ADARB2: variants seen among roughly 807,000 people sequenced by gnomAD.
ADARB2 encodes adenosine deaminase RNA specific B2 (inactive).
Under a neutral mutation model 62.2 loss-of-function variants are expected in ADARB2, and 25 were observed. That is an observed-to-expected ratio of 0.40 (90% CI 0.29 to 0.56). The LOEUF (loss-of-function observed/expected upper bound fraction) is 0.56. Among genes scored for constraint, ADARB2 ranks in the 20% least tolerant of loss-of-function variants. ADARB2 has a pLI of 0.43. For synonymous variants in ADARB2, 572 were observed against 500.8 expected (o/e 1.14, Z -1.90); for missense variants, 1,071 against 1,077.4 (o/e 0.99, Z 0.08).
intron 1 of ADARB2, among the ~76,000 whole-genome samples, chr10:1,670,240 GT>G (rs1232766860): frequency 3.3e-5 from 5 of 152,214 alleles, no homozygotes; most frequent in African/African-American, 4.8e-5. Context: ...TTGTGTCATA[GT>G]AAGTTAAAGA....
At chr10:1,404,342 G>A (rs1832688696) in intron 1 of ADARB2, among the ~76,000 whole-genome samples, 1 of 152,212 alleles carries the variant, frequency 6.6e-6, no homozygotes, top group Admixed American at 6.5e-5. Flanking sequence ...GGGACCTGAT[G>A]GGGCTAAGCA....
At chr10:1,596,123 G>A (rs1400612008) in intron 1 of ADARB2, among the ~76,000 whole-genome samples, 1 of 152,186 alleles carries the variant, frequency 6.6e-6, no homozygotes. Flanking sequence ...TGGATTTTGT[G>A]GACTGCTGGG....
intron 1 of ADARB2, among the ~76,000 whole-genome samples, chr10:1,601,718 C>T (rs1169748092): frequency 6.6e-6 from 1 of 152,120 alleles, no homozygotes; most frequent in African/African-American, 2.4e-5. Context: ...GCCACCTGCT[C>T]CCCCGAAAGC....
intron 3 of ADARB2, among the ~76,000 whole-genome samples, chr10:1,358,168 CAAT>C (rs1832215089): frequency 6.6e-6 from 1 of 152,158 alleles, no homozygotes; most frequent in Non-Finnish European, 1.5e-5. Flanking sequence ...GAAGCAATCC[CAAT>C]AATTGGTCAT....
chr10:1,363,480 C>T lies in ADARB2; in HGVS notation c.625G>A (p.Gly209Ser). 2.7e-6 allele frequency: 4 copies of T among 1,494,754 alleles called. No individual in the cohort carries two copies. Among genetic ancestry groups the T allele is most frequent in the Non-Finnish European group, 3.5e-6 (4 of 1,126,888 alleles). 92.6% of individuals were successfully genotyped at this position (1,494,754 alleles called of 1,614,324 possible). A position where few individuals can be genotyped will look rare whatever the true frequency, so the allele number is the denominator to read the frequency against. Residue 209 changes from glycine to serine, a missense_variant, in exon 3 of 10, where the codon GGC becomes AGC. Gly to Ser is a moderately conservative substitution (Grantham distance 56). Coordinates refer to ENST00000381312, the MANE Select transcript of ADARB2 (RefSeq NM_018702.4). ...HLAMGGGPGP[G>S]TDFTSDQADF... Reference sequence around the variant, plus strand: ...GCCTGGTCGGAGGTGAAGTCCGTGCCGGGGCCCGGGCCCCCGCCCATGGCC... The same window carrying T: ...GCCTGGTCGGAGGTGAAGTCCGTGCTGGGGCCCGGGCCCCCGCCCATGGCC...
intron 1 of ADARB2, among the ~76,000 whole-genome samples, chr10:1,624,237 AAAAACAAAAC>A (rs570973935): frequency 8.5e-5 from 13 of 152,130 alleles, no homozygotes; most frequent in Non-Finnish European, 1.5e-5. Flanking sequence ...CTGTCTCGGA[AAAAACAAAAC>A]AAAACAAAAC....
intron 1 of ADARB2, among the ~76,000 whole-genome samples, chr10:1,481,771 G>T (rs190346688): frequency 4.0e-5 from 6 of 151,764 alleles, no homozygotes; most frequent in Admixed American, 6.6e-5. Context: ...GCAGGAGAAT[G>T]GCTTGAACCC....
chr10:1,543,407 G>A (rs921203762), intron 1 of ADARB2, among the ~76,000 whole-genome samples: 2 of 152,196 alleles, frequency 1.3e-5, no homozygotes, highest in African/African-American at 4.8e-5. Flanking sequence ...GGGACAACAA[G>A]CCTGTTATTC....
chr10:1,181,008 G>A lies in ADARB2; in HGVS notation c.*2185C>T, dbSNP rs1019211381. ...GCCACTGGGTGGCCGAGCGCTTTCCGAGTCCCGTGAATCAGACCCTGCGTC... is the reference window on the plus strand; with the variant it reads ...GCCACTGGGTGGCCGAGCGCTTTCCAAGTCCCGTGAATCAGACCCTGCGTC... On this transcript the variant is annotated 3_prime_UTR_variant, in exon 10 of 10. Coordinates refer to ENST00000381312, the MANE Select transcript of ADARB2 (RefSeq NM_018702.4). 2 of 152,220 alleles carry A rather than the reference G, an allele frequency of 1.3e-5. No homozygotes were observed. Among genetic ancestry groups the A allele is most frequent in the South Asian group, 2.1e-4 (1 of 4,820 alleles). 9.4% of individuals were successfully genotyped at this position (152,220 alleles called of 1,614,324 possible). A position where few individuals can be genotyped will look rare whatever the true frequency, so the allele number is the denominator to read the frequency against.
intron 1 of ADARB2, among the ~76,000 whole-genome samples, chr10:1,627,302 G>A (rs1348865604): frequency 6.6e-6 from 1 of 152,126 alleles, no homozygotes; most frequent in African/African-American, 2.4e-5. Flanking sequence ...ACTCCATTCG[G>A]AGAGCAGGGC....
intron 1 of ADARB2, among the ~76,000 whole-genome samples, chr10:1,550,253 A>G (rs1210488886): frequency 1.3e-5 from 2 of 152,292 alleles, no homozygotes; most frequent in East Asian, 3.9e-4. Context: ...CCTCTGATCG[A>G]ATTTTTAAGC....
chr10:1,587,907 A>T (rs534460748), intron 1 of ADARB2, among the ~76,000 whole-genome samples: 1 of 152,200 alleles, frequency 6.6e-6, no homozygotes, highest in African/African-American at 2.4e-5. Flanking sequence ...GCCGCCATGT[A>T]AGATGTGCCT....
At chr10:1,501,902 A>G (rs1487805874) in intron 1 of ADARB2, among the ~76,000 whole-genome samples, 5 of 152,230 alleles carry the variant, frequency 3.3e-5, no homozygotes, top group Non-Finnish European at 7.3e-5. Flanking sequence ...GGCAGAGGAC[A>G]GGATTAAGGT....
Position 1,470,052 on chromosome 10 carries a change from C to T in ADARB2, c.101-90892G>A, listed in dbSNP as rs117090746. Among the ~76,000 whole-genome samples, 34 of 152,254 alleles carry T rather than the reference C, an allele frequency of 2.2e-4. 2 individuals carry two copies. The East Asian group carries it at 3.3e-3, about 15-fold the overall frequency. ...GGGAACAACAGAGAACTGGAGACTC[C>T]CGGCCCTGGAGCGACCTTCCAAGGT... On this transcript the variant is annotated intron_variant, in intron 1 of 9. Transcript: ENST00000381312.
At chr10:1,448,189 T>G (rs1427609687) in intron 1 of ADARB2, among the ~76,000 whole-genome samples, 1 of 152,160 alleles carries the variant, frequency 6.6e-6, no homozygotes, top group Non-Finnish European at 1.5e-5. Flanking sequence ...AACATGTTAG[T>G]GGTGTTGGAA....
At chr10:1,672,606 C>A (rs910433969) in intron 1 of ADARB2, among the ~76,000 whole-genome samples, 1 of 151,722 alleles carries the variant, frequency 6.6e-6, no homozygotes, top group African/African-American at 2.4e-5. Flanking sequence ...AAGCCCCGCG[C>A]CTGCCTCCCT....
At chr10:1,345,071 C>T (rs947758823) in intron 3 of ADARB2, among the ~76,000 whole-genome samples, 30 of 151,982 alleles carry the variant, frequency 2.0e-4, no homozygotes, top group African/African-American at 5.8e-4. Flanking sequence ...CAGGAGGGCA[C>T]GTGGAGGGAA....
At chr10:1,500,926 G>A (rs1445543974) in intron 1 of ADARB2, among the ~76,000 whole-genome samples, 1 of 152,146 alleles carries the variant, frequency 6.6e-6, no homozygotes, top group Non-Finnish European at 1.5e-5. Flanking sequence ...CCAGCCTGGA[G>A]TGCAGAAGCC....
At chr10:1,420,665 G>C (rs1323982135) in intron 1 of ADARB2, among the ~76,000 whole-genome samples, 1 of 149,294 alleles carries the variant, frequency 6.7e-6, no homozygotes, top group Admixed American at 6.7e-5. Context: ...CTGAGAAACA[G>C]AGAGCGAGTG....
Sources: gnomAD v4.1 joint callset for allele counts (sites outside exome capture counted in the v4.1 genomes callset) on GRCh38, gnomAD v4.1.1 for gene constraint, MANE v1.5 for transcripts, NCBI Gene and HGNC (gene_info 2026-07-23, HGNC 2026-07-21) for gene names.